CARD9: variants seen among roughly 807,000 people sequenced by gnomAD.
CARD9 encodes caspase recruitment domain family member 9.
CARD9 carries 53 observed loss-of-function variants against 66.0 expected under a neutral mutation model. The observed-to-expected ratio is 0.80, with a 90% CI of 0.64 to 1.01. CARD9 has a LOEUF of 1.01. Among genes scored for constraint, CARD9 ranks in the 50% least tolerant of loss-of-function variants. The probability of loss-of-function intolerance (pLI) is 0.00; values close to 1 mark genes in which losing one functional copy is unlikely to be tolerated. For synonymous variants in CARD9, 387 were observed against 313.8 expected (o/e 1.23, Z -2.47); for missense variants, 769 against 743.2 (o/e 1.03, Z -0.40).
chr9:136,365,112 G>T, intron 11 of CARD9, 29 bp downstream of exon 11: 1 of 1,608,548 alleles, frequency 6.2e-7, no homozygotes, highest in Admixed American at 1.7e-5. Context: ...GCCCACGGCT[G>T]GGAGGACCCC....
In CARD9 at chr9:136,365,121, C is replaced by G; in HGVS notation, c.1434+20G>C. 6.2e-7 allele frequency: 1 copy of G among 1,611,100 alleles called. No homozygotes were observed. Among genetic ancestry groups the G allele is most frequent in the East Asian group, 2.2e-5 (1 of 44,866 alleles). On this transcript the variant is annotated intron_variant, in intron 11 of 12. Transcript: ENST00000371732. ...CCTGAGGCCCACGGCTGGGAGGACC[C>G]CACCCCGGGGAAGCCTTACATGGGG...
At chr9:136,371,842 G>C (rs560946453) in intron 2 of CARD9, 53 bp downstream of exon 2, 1 of 1,557,146 alleles carries the variant, frequency 6.4e-7, no homozygotes, top group African/African-American at 1.4e-5. Flanking sequence ...AGCCACCTCC[G>C]AGCTGACTCT....
intron 9 of CARD9, 41 bp downstream of exon 9, chr9:136,367,175 T>TG: frequency 6.2e-7 from 1 of 1,601,290 alleles, no homozygotes; most frequent in Non-Finnish European, 8.5e-7. Context: ...GGACCCCAGG[T>TG]GAAGGAAGGC....
In CARD9 at chr9:136,373,595, TG is replaced by T; in HGVS notation, c.-81del. ...CCAGGAGCCTGGGCCGCGGAGCCTC[TG>T]GGAGATGCTGCCCGGGGCTGCAGGG... is the stretch of plus-strand genomic sequence containing the variant. On this transcript the variant is annotated 5_prime_UTR_variant, in exon 1 of 13. Transcript: ENST00000371732. 2.0e-6 allele frequency: 2 copies of T among 985,788 alleles called. No homozygotes were observed. The highest frequency in any genetic ancestry group is 2.4e-6 in the Non-Finnish European group (2 of 830,116). 61.1% of individuals were successfully genotyped at this position (985,788 alleles called of 1,614,324 possible).
chr9:136,370,492 G>T, intron 5 of CARD9, 30 bp downstream of exon 5: 1 of 1,603,352 alleles, frequency 6.2e-7, no homozygotes. Context: ...TGCCCTGCCT[G>T]GGCTGCACCT....
At position 136,364,206 on chromosome 9, in the gene CARD9, G is replaced by A. The variant is rs1249586211; in HGVS notation, c.*96C>T. The A allele has an allele frequency of 1.3e-6, 2 of 1,550,520 alleles. No homozygotes were observed. Among genetic ancestry groups the A allele is most frequent in the East Asian group, 4.9e-5 (2 of 41,036 alleles). ...CCTCGTTCCAGGCCAAGTCAGCGACGGCTCGGGGAAGTCTGCGCCCCAGGG... is the reference window on the plus strand; with the variant it reads ...CCTCGTTCCAGGCCAAGTCAGCGACAGCTCGGGGAAGTCTGCGCCCCAGGG... On this transcript the variant is annotated 3_prime_UTR_variant, in exon 13 of 13. Transcript: ENST00000371732.
chr9:136,372,550 A>G (rs549991855), intron 1 of CARD9, among the ~76,000 whole-genome samples: 4 of 152,322 alleles, frequency 2.6e-5, no homozygotes, highest in East Asian at 3.9e-4. Context: ...GCCTGGCACT[A>G]TGGCCAGCCC....
rs868438272 is a variant in CARD9 at position 136,364,096 on chromosome 9, C to G, written c.*206G>C. On this transcript the variant is annotated 3_prime_UTR_variant, in exon 13 of 13. Transcript: ENST00000371732. Reference sequence around the variant, plus strand: ...GCGTGTGCATGGGGGTGGTGAGCACCCGCATGGCCTCCGCAAAATGAGTGC... The same window carrying G: ...GCGTGTGCATGGGGGTGGTGAGCACGCGCATGGCCTCCGCAAAATGAGTGC... 1 of 1,550,396 alleles carries G rather than the reference C, an allele frequency of 6.4e-7. No individual in the cohort carries two copies. The highest frequency in any genetic ancestry group is 1.4e-5 in the African/African-American group (1 of 73,066).
chr9:136,368,725 G>T (rs983829348), intron 7 of CARD9, among the ~76,000 whole-genome samples: 2 of 152,234 alleles, frequency 1.3e-5, no homozygotes, highest in Non-Finnish European at 2.9e-5. Flanking sequence ...CCTCACTCCC[G>T]TGGCCCAGGC....
At chr9:136,368,089 C>A (rs1833170733) in intron 7 of CARD9, 1 of 1,270,586 alleles carries the variant, frequency 7.9e-7, no homozygotes, top group South Asian at 1.9e-5. Flanking sequence ...TGCTATGTAC[C>A]CCCACACGTG....
chr9:136,366,349 C>T (rs531986021), intron 10 of CARD9: 39 of 200,488 alleles, frequency 1.9e-4, no homozygotes, highest in Non-Finnish European at 3.4e-4. Context: ...CCTCAAGCCA[C>T]GTGGGGCCCC....
rs1471518127 is a variant in CARD9, at chr9:136,368,023, G to T, written c.1078-195C>A. ...GTGGGGGATTGTAAATGTGACAGTTGTCCCTGCTGCCCTTCTGTCTCCTCC... is the reference window on the plus strand; with the variant it reads ...GTGGGGGATTGTAAATGTGACAGTTTTCCCTGCTGCCCTTCTGTCTCCTCC... On this transcript the variant is annotated intron_variant, in intron 7 of 12. Coordinates refer to ENST00000371732, the MANE Select transcript of CARD9 (RefSeq NM_052813.5). 1.2e-5 allele frequency: 17 copies of T among 1,417,102 alleles called. No individual in the cohort carries two copies. In the South Asian group the frequency reaches 1.9e-4, roughly 16 times the overall value. The allele number at this position is 1,417,102 out of a possible 1,614,324, so 87.8% of individuals were successfully genotyped here.
chr9:136,369,986 C>A, intron 6 of CARD9, 111 bp from the exon 7 acceptor site: 1 of 1,553,160 alleles, frequency 6.4e-7, no homozygotes, highest in South Asian at 1.2e-5. Context: ...GTTGGGATGT[C>A]GGGGGAGGCC....
chr9:136,373,307 C>G (rs1757732099), intron 1 of CARD9, among the ~76,000 whole-genome samples: 1 of 152,244 alleles, frequency 6.6e-6, no homozygotes, highest in African/African-American at 2.4e-5. Context: ...GGGCCCCTTT[C>G]CTGCTTCCCC....
Position 136,365,127 on chromosome 9 carries a change from C to G in CARD9, c.1434+14G>C. 1.2e-6 allele frequency: 2 copies of G among 1,611,392 alleles called. No homozygotes were observed. The highest frequency in any genetic ancestry group is 1.3e-5 in the African/African-American group (1 of 75,040). On this transcript the variant is annotated intron_variant, in intron 11 of 12. Transcript: ENST00000371732. The stretch of plus-strand genomic sequence containing the variant: ...GCCCACGGCTGGGAGGACCCCACCC[C>G]GGGGAAGCCTTACATGGGGGTTCCG...
In CARD9 at chr9:136,371,325, G is replaced by A. The variant is rs201249152; in HGVS notation, c.321C>T (p.Ile107=). ...KEPARVFSMI[I]DASGESGLTQ... ...GGCCCCGCCTCCCCCGTCACTCACC[G>A]ATGATCATGGAGAAGACGCGGGCCG... is the stretch of plus-strand genomic sequence containing the variant. The change falls in exon 3 of 13, where the codon ATC becomes ATT. Residue 107 remains isoleucine (I), a splice_region_variant and synonymous_variant. Coordinates refer to ENST00000371732, the MANE Select transcript of CARD9 (RefSeq NM_052813.5). 2.1e-5 allele frequency: 34 copies of A among 1,602,320 alleles called. No individual in the cohort carries two copies. In the South Asian group the frequency reaches 2.1e-4, roughly 10 times the overall value.
In CARD9 at chr9:136,371,281, C is replaced by T. The variant is rs773363991; in HGVS notation, c.322+43G>A. 4.4e-5 allele frequency: 70 copies of T among 1,583,206 alleles called. 1 individual carries two copies. Among genetic ancestry groups the T allele is most frequent in the Middle Eastern group, 1.7e-4 (1 of 6,044 alleles). On this transcript the variant is annotated intron_variant, in intron 3 of 12. Transcript: ENST00000371732. Reference sequence around the variant, plus strand: ...GGACCCAACACCACTGCCCGCTCCCCGCCAGCGCCTCCCCTGTCGGCCCCG... The same window carrying T: ...GGACCCAACACCACTGCCCGCTCCCTGCCAGCGCCTCCCCTGTCGGCCCCG...
chr9:136,372,196 G>C (rs556265417), intron 1 of CARD9, 102 bp from the exon 2 acceptor site: 1 of 1,484,282 alleles, frequency 6.7e-7, no homozygotes, highest in South Asian at 1.2e-5. Context: ...TCTCGTCAGG[G>C]CATCGAGGGG....
At chr9:136,366,946 A>G in intron 9 of CARD9, 101 bp from the exon 10 acceptor site, 1 of 1,372,014 alleles carries the variant, frequency 7.3e-7, no homozygotes, top group Non-Finnish European at 1.0e-6. Context: ...GGGTGCAGCC[A>G]TTGCCGTCAC....
Sources: allele counts gnomAD v4.1 joint callset (sites outside exome capture counted in the v4.1 genomes callset), GRCh38; gene constraint gnomAD v4.1.1; transcripts MANE v1.5; gene names NCBI Gene and HGNC (gene_info 2026-07-23, HGNC 2026-07-21).